The following TSHZ3 variants were observed in gnomAD, a reference collection of about 807,000 sequenced individuals.
TSHZ3 encodes teashirt homolog 3.
In TSHZ3, 10 loss-of-function variants were observed where a neutral mutation model predicts 64.5. The ratio of observed to expected loss-of-function variants is 0.16; its 90% CI spans 0.10 to 0.26. The LOEUF is 0.26. TSHZ3 is among the 10% of genes least tolerant of loss of function. TSHZ3 has a pLI of 1.00. For missense variants in TSHZ3, 1,242 were observed against 1,421.7 expected (o/e 0.87, Z 2.03); for synonymous variants, 608 against 593.1 (o/e 1.03, Z -0.36).
At chr19:31,164,058 C>T (rs910213620) in intron 5 of TSHZ3, among the ~76,000 whole-genome samples, 2 of 152,168 alleles carry the variant, frequency 1.3e-5, no homozygotes, top group South Asian at 2.1e-4. Flanking sequence ...CTGGGAGTCT[C>T]ACGTGAGCGG....
chr19:31,205,793 G>C (rs1975159529), intron 4 of TSHZ3, among the ~76,000 whole-genome samples: 1 of 152,196 alleles, frequency 6.6e-6, no homozygotes, highest in South Asian at 2.1e-4. Flanking sequence ...GAACTTAGCT[G>C]ATAAATACAA....
Position 31,276,650 on chromosome 19 carries a change from C to G in TSHZ3, c.3143G>C (p.Arg1048Pro). Residue 1048 changes from arginine (R) to proline (P), a missense_variant, in exon 2 of 2, where the codon CGG (arginine) becomes CCG (proline). This residue lies in a region of TSHZ3 where 126 missense variants were observed against 140.6 expected (regional missense o/e 0.90). Coordinates refer to ENST00000240587, the MANE Select transcript of TSHZ3 (RefSeq NM_020856.4). ...AACAGCGTGCTTGCTGGCAAAGGTC[C>G]GATTGCAAAGTTTGCACTGATAGGA... The part of the protein sequence containing the change: ...GTSYQCKLCN[R>P]TFASKHAVKL... 1 of 1,612,856 alleles carries G rather than the reference C, an allele frequency of 6.2e-7. No homozygotes were observed. Among genetic ancestry groups the G allele is most frequent in the Non-Finnish European group, 8.5e-7 (1 of 1,178,966 alleles).
downstream of TSHZ3, among the ~76,000 whole-genome samples, chr19:31,274,237 G>C (rs933209945): frequency 3.3e-5 from 5 of 152,092 alleles, no homozygotes; most frequent in African/African-American, 7.2e-5. Flanking sequence ...ATAACTGCAA[G>C]AGTAGTTTGA....
chr19:31,247,975 A>G (rs1219726376), intron 1 of TSHZ3, among the ~76,000 whole-genome samples: 1 of 152,184 alleles, frequency 6.6e-6, no homozygotes, highest in Non-Finnish European at 1.5e-5. Context: ...ACAGTTCCAC[A>G]TGGCTGGGGA....
intron 5 of TSHZ3, among the ~76,000 whole-genome samples, chr19:31,158,278 A>C (rs1974331298): frequency 6.6e-6 from 1 of 152,214 alleles, no homozygotes; most frequent in East Asian, 1.9e-4. Context: ...TAGAGAAAAA[A>C]ATATATGTAT....
intron 3 of TSHZ3, among the ~76,000 whole-genome samples, chr19:31,234,865 A>G (rs1175883160): frequency 1.3e-5 from 2 of 152,164 alleles, no homozygotes; most frequent in East Asian, 1.9e-4. Flanking sequence ...GGATTGTGCT[A>G]GCCTAATAAC....
chr19:31,282,959 C>A (rs534201951), intron 1 of TSHZ3, among the ~76,000 whole-genome samples: 1 of 152,320 alleles, frequency 6.6e-6, no homozygotes, highest in Non-Finnish European at 1.5e-5. Flanking sequence ...TGACCATTTT[C>A]TTTTCCGATC....
At chr19:31,258,146 C>T (rs753811851) in intron 1 of TSHZ3, among the ~76,000 whole-genome samples, 1 of 152,206 alleles carries the variant, frequency 6.6e-6, no homozygotes, top group Admixed American at 6.5e-5. Flanking sequence ...GGTTCAGACC[C>T]ATCCATGGTA....
chr19:31,338,156 A>T (rs1331894255), intron 1 of TSHZ3, among the ~76,000 whole-genome samples: 1 of 152,214 alleles, frequency 6.6e-6, no homozygotes, highest in Non-Finnish European at 1.5e-5. Flanking sequence ...GGCCTCTTGC[A>T]GCAGAAGAGG....
At chr19:31,348,139 G>A (rs1211156593) in intron 1 of TSHZ3, among the ~76,000 whole-genome samples, 1 of 152,214 alleles carries the variant, frequency 6.6e-6, no homozygotes. Context: ...GGTCCTCTCG[G>A]CAATCCGCCC....
At chr19:31,212,696 C>T (rs1975274786) in intron 4 of TSHZ3, among the ~76,000 whole-genome samples, 1 of 152,108 alleles carries the variant, frequency 6.6e-6, no homozygotes, top group African/African-American at 2.4e-5. Flanking sequence ...AGTTTGGTGG[C>T]TTCTTACAAA....
intron 1 of TSHZ3, among the ~76,000 whole-genome samples, chr19:31,301,057 A>G (rs1262739590): frequency 6.6e-6 from 1 of 152,306 alleles, no homozygotes; most frequent in East Asian, 1.9e-4. Context: ...ATGCTATATC[A>G]GAATATTTTT....
chr19:31,318,832 AATG>A (rs1916681076), intron 1 of TSHZ3, among the ~76,000 whole-genome samples: 1 of 152,198 alleles, frequency 6.6e-6, no homozygotes, highest in African/African-American at 2.4e-5. Flanking sequence ...GCCATCTCTA[AATG>A]ATGAGATTTC....
intron 5 of TSHZ3, among the ~76,000 whole-genome samples, chr19:31,175,019 C>T (rs976176443): frequency 3.3e-5 from 5 of 152,160 alleles, no homozygotes; most frequent in African/African-American, 9.7e-5. Flanking sequence ...CCAAACAGGG[C>T]GGGTCCCAGG....
chr19:31,173,085 C>T (rs1035720083), intron 5 of TSHZ3, among the ~76,000 whole-genome samples: 4 of 152,190 alleles, frequency 2.6e-5, no homozygotes, highest in Non-Finnish European at 5.9e-5. Context: ...TATTAATTAT[C>T]TGACTCTTAT....
intron 1 of TSHZ3, among the ~76,000 whole-genome samples, chr19:31,301,171 T>A (rs558842861): frequency 2.8e-4 from 42 of 150,650 alleles, no homozygotes; most frequent in African/African-American, 9.3e-4. Flanking sequence ...GTGGGTGGAG[T>A]GGATTGCGGG....
At chr19:31,166,033 A>G (rs1277346240) in intron 5 of TSHZ3, among the ~76,000 whole-genome samples, 1 of 152,210 alleles carries the variant, frequency 6.6e-6, no homozygotes, top group African/African-American at 2.4e-5. Context: ...AAGGAAGGCA[A>G]GAGAGGCTGT....
chr19:31,342,292 A>G (rs1358569153), intron 1 of TSHZ3, among the ~76,000 whole-genome samples: 1 of 152,226 alleles, frequency 6.6e-6, no homozygotes, highest in Non-Finnish European at 1.5e-5. Flanking sequence ...CAGCTTTCTG[A>G]GCAATGGAAA....
intron 4 of TSHZ3, among the ~76,000 whole-genome samples, chr19:31,226,375 G>A (rs1478039312): frequency 6.6e-6 from 1 of 152,126 alleles, no homozygotes; most frequent in Admixed American, 6.5e-5. Flanking sequence ...TCATGGTAGT[G>A]AACAAGTCTC....
Sources: allele counts gnomAD v4.1 joint callset (sites outside exome capture counted in the v4.1 genomes callset), GRCh38; gene constraint gnomAD v4.1.1; regional missense constraint gnomAD v4.1.1; transcripts MANE v1.5; gene names NCBI Gene and HGNC (gene_info 2026-07-23, HGNC 2026-07-21).